Variants in ATAD3A observed in about 807,000 individuals in gnomAD.
The protein encoded by ATAD3A is ATPase family AAA domain containing 3A.
In ATAD3A, 46 loss-of-function variants were observed where a neutral mutation model predicts 73.8. The observed-to-expected ratio is 0.62, with a 90% confidence interval of 0.49 to 0.80. ATAD3A has a LOEUF of 0.80. Ranked by LOEUF, ATAD3A falls within the 30% of genes least tolerant of loss-of-function variation. The pLI is 0.00. For synonymous variants in ATAD3A, 319 were observed against 350.0 expected (o/e 0.91, Z 0.99); for missense variants, 705 against 838.0 (o/e 0.84, Z 1.96).
intron 15 of ATAD3A, among the ~76,000 whole-genome samples, chr1:1,529,933 G>A (rs569829506): frequency 5.4e-4 from 83 of 152,318 alleles, no homozygotes; most frequent in African/African-American, 1.9e-3. Flanking sequence ...GCAAAACCAG[G>A]TTGGTGGGGC....
At chr1:1,529,482 C>A in intron 15 of ATAD3A, 151 bp downstream of exon 15, 1 of 1,445,490 alleles carries the variant, frequency 6.9e-7, no homozygotes, top group South Asian at 1.4e-5. Context: ...CCCCCTGCCC[C>A]AGTCAGGCCA....
intron 7 of ATAD3A, among the ~76,000 whole-genome samples, chr1:1,521,298 CA>C (rs1001385922): frequency 0.023 from 581 of 25,344 alleles, no homozygotes; most frequent in South Asian, 0.053. Context: ...GGCTTCTTCT[CA>C]AAAAAAAAAA....
At chr1:1,524,873 C>T (rs992488720) in intron 11 of ATAD3A, among the ~76,000 whole-genome samples, 6 of 151,466 alleles carry the variant, frequency 4.0e-5, no homozygotes, top group Admixed American at 1.3e-4. Flanking sequence ...GTTGGAACCA[C>T]GATGCTCATG....
rs373713751 is a variant in ATAD3A, at chr1:1,520,168, G to A, written c.542G>A (p.Arg181Gln). 188 of 1,611,428 alleles carry A rather than the reference G, an allele frequency of 1.2e-4. No individual in the cohort carries two copies. The highest frequency in any genetic ancestry group is 1.4e-4 in the Non-Finnish European group (167 of 1,179,596). Residue 181 changes from arginine (R) to glutamine (Q), a missense_variant, in exon 6 of 16, where the codon CGG (arginine) becomes CAG (glutamine). Transcript: ENST00000378756. This position sits in a 1 kb window ranked among gnomAD's most constrained non-coding sequence, Gnocchi z 4.0. ...ACCGTGGAGCGGGAGATGGAGCTGC[G>A]GCACAAGAATGAGATGCTGCGAGTG... Reference protein sequence around the residue: ...RATVEREMELRHKNEMLRVEA... With the variant: ...RATVEREMELQHKNEMLRVEA...
chr1:1,521,298 CAAAAAAAA>C (rs1001385922), intron 7 of ATAD3A, among the ~76,000 whole-genome samples: 9 of 25,348 alleles, frequency 3.6e-4, no homozygotes, highest in African/African-American at 6.4e-4. Flanking sequence ...GGCTTCTTCT[CAAAAAAAA>C]AAAAAAAAAA....
At position 1,534,171 on chromosome 1, in the gene ATAD3A, G is replaced by C. The variant is rs1195812669; in HGVS notation, c.*99G>C. 7 of 1,593,678 alleles carry C rather than the reference G, an allele frequency of 4.4e-6. No individual in the cohort carries two copies. Among genetic ancestry groups the C allele is most frequent in the East Asian group, 2.4e-5 (1 of 42,408 alleles). On this transcript the variant is annotated 3_prime_UTR_variant, in exon 16 of 16. Transcript: ENST00000378756. Reference sequence around the variant, plus strand: ...CATTTAGGATATGCTCCTGGGTGGGGACTGGGCTGTGCCCAGGGCCTCTGT... The same window carrying C: ...CATTTAGGATATGCTCCTGGGTGGGCACTGGGCTGTGCCCAGGGCCTCTGT...
intron 10 of ATAD3A, 97 bp from the exon 11 acceptor site, chr1:1,524,176 G>C: frequency 6.3e-7 from 1 of 1,578,822 alleles, no homozygotes; most frequent in Non-Finnish European, 8.6e-7. Context: ...TCCAGGCAGG[G>C]ACGCTGGGCA....
intron 11 of ATAD3A, among the ~76,000 whole-genome samples, chr1:1,524,737 C>G (rs1392189360): frequency 1.4e-5 from 2 of 142,160 alleles, no homozygotes; most frequent in African/African-American, 5.9e-5. Flanking sequence ...GGCGTGGGCA[C>G]TGGTTGCCTT....
intron 1 of ATAD3A, among the ~76,000 whole-genome samples, chr1:1,513,338 C>T (rs370030636): frequency 7.3e-3 from 1,101 of 151,530 alleles, no homozygotes; most frequent in African/African-American, 0.025. Context: ...TCTCCCACTT[C>T]CAGAAGCTGA....
At chr1:1,533,635 G>A (rs1329177942) in intron 15 of ATAD3A, among the ~76,000 whole-genome samples, 2 of 152,144 alleles carry the variant, frequency 1.3e-5, no homozygotes, top group African/African-American at 4.8e-5. Flanking sequence ...CTGCCTCTCG[G>A]AAGCTGCCCT....
chr1:1,527,664 C>T (rs1237621958), intron 13 of ATAD3A, 31 bp from the exon 14 acceptor site: 1 of 1,588,586 alleles, frequency 6.3e-7, no homozygotes, highest in Non-Finnish European at 8.6e-7. Flanking sequence ...CCGGCAGCCC[C>T]AGCATCCTCA....
At chr1:1,525,809 A>C (rs1641810920) in intron 12 of ATAD3A, among the ~76,000 whole-genome samples, 1 of 152,034 alleles carries the variant, frequency 6.6e-6, no homozygotes. Context: ...GAGCTCAAGC[A>C]ATCCTCCTGC....
chr1:1,522,641 T>G, intron 7 of ATAD3A, 103 bp from the exon 8 acceptor site: 2 of 1,563,502 alleles, frequency 1.3e-6, no homozygotes, highest in African/African-American at 1.3e-5. Flanking sequence ...GCCCTGTGCT[T>G]CTCCCTCGGG....
Position 1,534,244 on chromosome 1 carries a change from C to T in ATAD3A, c.*172C>T, listed in dbSNP as rs896164157. ...GGGTCGGCCGTTCTGCCCCCCAGGG[C>T]ACCCCCTGTTGTAGGCACTGGCTAG... On this transcript the variant is annotated 3_prime_UTR_variant, in exon 16 of 16. Coordinates refer to ENST00000378756, the MANE Select transcript of ATAD3A (RefSeq NM_001170535.3). The T allele has an allele frequency of 1.3e-5, 19 of 1,495,348 alleles. No individual in the cohort carries two copies. The Admixed American group carries it at 1.5e-4, about 12-fold the overall frequency. 92.6% of individuals were successfully genotyped at this position (1,495,348 alleles called of 1,614,324 possible). A position where few individuals can be genotyped will look rare whatever the true frequency, so the allele number is the denominator to read the frequency against.
chr1:1,531,609 T>TA (rs910958787), intron 15 of ATAD3A, among the ~76,000 whole-genome samples: 1 of 147,002 alleles, frequency 6.8e-6, no homozygotes, highest in African/African-American at 2.5e-5. Context: ...CCATCTCTAA[T>TA]AAAAAATACA....
chr1:1,531,376 G>T (rs557018297), intron 15 of ATAD3A, among the ~76,000 whole-genome samples: 3 of 151,848 alleles, frequency 2.0e-5, no homozygotes, highest in African/African-American at 7.3e-5. Flanking sequence ...ACTTGAACCC[G>T]GGAGGCGGAG....
rs776573459 is a variant in ATAD3A at position 1,524,315 on chromosome 1, G to A, written c.1132G>A (p.Gly378Ser). The A allele has an allele frequency of 3.7e-6, 6 of 1,613,408 alleles. No individual in the cohort carries two copies. The African/African-American group carries it at 5.3e-5, about 14-fold the overall frequency. The part of the protein sequence containing the change: ...HSGMDYAIMT[G>S]GDVAPMGREG... ...AGGCATGGACTACGCCATCATGACAGGCGGGGACGTGGCCCCCATGGGGCG... is the reference window on the plus strand; with the variant it reads ...AGGCATGGACTACGCCATCATGACAAGCGGGGACGTGGCCCCCATGGGGCG... Residue 378 changes from glycine to serine, a missense_variant, in exon 11 of 16, where the codon GGC becomes AGC. By Grantham distance (56) the Gly-to-Ser change is moderately conservative (BLOSUM62 0). Around this residue, in one of 5 missense-constraint regions of ATAD3A, gnomAD observed 6 missense variants for 26.7 expected, o/e 0.23. Coordinates refer to ENST00000378756, the MANE Select transcript of ATAD3A (RefSeq NM_001170535.3).
At chr1:1,518,550 A>G (rs1168243445) in intron 4 of ATAD3A, among the ~76,000 whole-genome samples, 2 of 102,930 alleles carry the variant, frequency 1.9e-5, no homozygotes, top group Non-Finnish European at 3.6e-5. Context: ...ATACGGGCAC[A>G]CACGCCTTCC....
rs1642158924 is a variant in ATAD3A at position 1,534,474 on chromosome 1, G to A, written c.*402G>A. ...TCCCACAGCAGAGCCAGGTGAGGGG[G>A]CGCCTGCCAGGGCCAGACCCAGGTG... On this transcript the variant is annotated 3_prime_UTR_variant, in exon 16 of 16. Transcript: ENST00000378756. 2 of 1,093,706 alleles carry A rather than the reference G, an allele frequency of 1.8e-6. No individual in the cohort carries two copies. The highest frequency in any genetic ancestry group is 7.0e-5 in the East Asian group (2 of 28,546). 67.8% of individuals were successfully genotyped at this position (1,093,706 alleles called of 1,614,324 possible).
Sources: allele counts gnomAD v4.1 joint callset (sites outside exome capture counted in the v4.1 genomes callset), GRCh38; gene constraint gnomAD v4.1.1; regional missense constraint gnomAD v4.1.1; non-coding constraint Gnocchi (gnomAD v3.1); transcripts MANE v1.5; gene names NCBI Gene and HGNC (gene_info 2026-07-23, HGNC 2026-07-21).